Variants in SUGP2 observed in about 807,000 individuals in gnomAD.
SUGP2 encodes the protein SURP and G-patch domain-containing protein 2.
Under a neutral mutation model 90.5 loss-of-function variants are expected in SUGP2, and 24 were observed. The ratio of observed to expected loss-of-function variants is 0.27; its 90% CI spans 0.19 to 0.37. The LOEUF (loss-of-function observed/expected upper bound fraction) is 0.37. Among genes scored for constraint, SUGP2 ranks in the 10% least tolerant of loss-of-function variants. The pLI is 1.00. For missense variants in SUGP2, 1,233 were observed against 1,363.3 expected (o/e 0.90, Z 1.51); for synonymous variants, 473 against 513.4 (o/e 0.92, Z 1.06).
intron 8 of SUGP2, among the ~76,000 whole-genome samples, chr19:18,995,966 TGGA>T (rs1020968925): frequency 5.3e-5 from 8 of 151,796 alleles, no homozygotes; most frequent in Non-Finnish European, 8.8e-5. Context: ...CTGGGGCCTC[TGGA>T]GGAGGAGCCT....
In SUGP2 at chr19:18,995,168, T is replaced by C. The variant is rs888209187; in HGVS notation, c.3104A>G (p.Lys1035Arg). ...KEGHGLGSLG[K>R]GIREPVSVGT... is the part of the protein sequence containing the mutation. ...CACGCTGACCGGCTCCCTGATGCCC[T>C]TTCCGAGGGAGCCCAGGCCATGGCC... Residue 1035 changes from lysine to arginine, a missense_variant, in exon 9 of 11, where the codon AAG becomes AGG. Physicochemically the swap from Lys to Arg is conservative, Grantham distance 26 (BLOSUM62 2). Around this residue, in one of 8 missense-constraint regions of SUGP2, gnomAD observed 105 missense variants for 155.2 expected, o/e 0.68. Transcript: ENST00000452918. The C allele has an allele frequency of 6.9e-7, 1 of 1,459,788 alleles. No homozygotes were observed. The highest frequency in any genetic ancestry group is 1.4e-5 in the African/African-American group (1 of 69,734). The allele number at this position is 1,459,788 out of a possible 1,614,324, so 90.4% of individuals were successfully genotyped here. A position where few individuals can be genotyped will look rare whatever the true frequency, so the allele number is the denominator to read the frequency against.
chr19:19,004,617 A>C lies in SUGP2; in HGVS notation c.2480T>G (p.Phe827Cys). 6.2e-7 allele frequency: 1 copy of C among 1,611,896 alleles called. No individual in the cohort carries two copies. The highest frequency in any genetic ancestry group is 8.5e-7 in the Non-Finnish European group (1 of 1,178,588). Residue 827 changes from phenylalanine (F) to cysteine (C), a missense_variant, in exon 7 of 11, where the codon TTC becomes TGC. Phe to Cys is a radical substitution (Grantham distance 205). This residue lies in a region of SUGP2 where 540 missense variants were observed against 542.6 expected (regional missense o/e 1.00). Coordinates refer to ENST00000452918, the MANE Select transcript of SUGP2 (RefSeq NM_001017392.5). ...WFLHDQNSSA[F>C]KFYRKKVFEL... Reference sequence around the variant, plus strand: ...AAACACTTTCTTTCGATAGAATTTGAAAGCAGAACTATTTTGGTCATGTAG... The same window carrying C: ...AAACACTTTCTTTCGATAGAATTTGCAAGCAGAACTATTTTGGTCATGTAG...
Position 18,993,316 on chromosome 19 carries a change from G to A in SUGP2, c.*425C>T, listed in dbSNP as rs990088425. 2.6e-5 allele frequency: 4 copies of A among 152,140 alleles called. No individual in the cohort carries two copies. Among genetic ancestry groups the A allele is most frequent in the African/African-American group, 4.8e-5 (2 of 41,442 alleles). 9.4% of individuals were successfully genotyped at this position (152,140 alleles called of 1,614,324 possible). ...CCCCGTATAAATTCTGGCGAACAAC[G>A]AGAAAACACCATCTGTGATCGTTTC... is the stretch of plus-strand genomic sequence containing the variant. On this transcript the variant is annotated 3_prime_UTR_variant, in exon 11 of 11. Coordinates refer to ENST00000452918, the MANE Select transcript of SUGP2 (RefSeq NM_001017392.5).
chr19:18,995,115 ACT>A, intron 9 of SUGP2, 27 bp downstream of exon 9: 4 of 1,051,048 alleles, frequency 3.8e-6, no homozygotes, highest in Non-Finnish European at 5.6e-6. Context: ...GGCCCCACCC[ACT>A]CCCACCCCAG....
rs201874466 is a variant in SUGP2 at position 19,025,289 on chromosome 19, A to G, written c.1059T>C (p.Thr353=). The change falls in exon 3 of 11, where the codon ACT becomes ACC. Residue 353 remains threonine, a synonymous_variant. Coordinates refer to ENST00000452918, the MANE Select transcript of SUGP2 (RefSeq NM_001017392.5). ...DDIKFSQLFQ[T]LFELETETCA... is the part of the protein sequence containing the mutation. ...AGGTTTCTGTTTCAAGTTCAAAGAG[A>G]GTCTGGAAAAGTTGGGAAAATTTAA... is the stretch of plus-strand genomic sequence containing the variant. 2.1e-4 allele frequency: 340 copies of G among 1,613,186 alleles called. 5 individuals are homozygous for G. In the East Asian group the frequency reaches 3.8e-3, roughly 18 times the overall value.
At chr19:19,028,637 A>C (rs1306535969) in intron 2 of SUGP2, among the ~76,000 whole-genome samples, 1 of 152,182 alleles carries the variant, frequency 6.6e-6, no homozygotes, top group Admixed American at 6.5e-5. Flanking sequence ...GCAACACAGA[A>C]ATGTTCCAGA....
In SUGP2 at chr19:19,031,059, G is replaced by C. The variant is rs771629490; in HGVS notation, c.13C>G (p.Arg5Gly). The stretch of plus-strand genomic sequence containing the variant: ...GCATCAAAAGTCTCCTGTGTAATTC[G>C]TCTGGCTGCCATGTTATTTTGCCCT... MAARRITQETFDAVL... is the reference protein window; with the variant it reads MAARGITQETFDAVL... The change falls in exon 2 of 11, where the codon CGA (arginine) becomes GGA (glycine). Residue 5 changes from arginine (R) to glycine (G), a missense_variant. Physicochemically the swap from Arg to Gly is moderately radical, Grantham distance 125. Around this residue, in one of 8 missense-constraint regions of SUGP2, gnomAD observed 418 missense variants for 399.9 expected, o/e 1.05. Transcript: ENST00000452918. 4 of 1,611,990 alleles carry C rather than the reference G, an allele frequency of 2.5e-6. No homozygotes were observed. Among genetic ancestry groups the C allele is most frequent in the African/African-American group, 1.3e-5 (1 of 74,782 alleles).
At chr19:19,007,755 CT>C (rs34670209) in intron 6 of SUGP2, among the ~76,000 whole-genome samples, 6,958 of 113,364 alleles carry the variant, frequency 0.061, 592 homozygotes, top group African/African-American at 0.072. Context: ...TGCACCTAGC[CT>C]TTTTTTTTTT....
At chr19:19,021,171 A>AAAG (rs1257665775) in intron 3 of SUGP2, among the ~76,000 whole-genome samples, 1 of 151,434 alleles carries the variant, frequency 6.6e-6, no homozygotes, top group East Asian at 1.9e-4. Context: ...AAAAAAAAAA[A>AAAG]AAAAAAAAAG....
intron 8 of SUGP2, among the ~76,000 whole-genome samples, chr19:18,999,652 T>C (rs532508342): frequency 6.6e-6 from 1 of 152,310 alleles, no homozygotes; most frequent in East Asian, 1.9e-4. Flanking sequence ...GGGGTCAGAC[T>C]GACCTAGGTC....
chr19:19,032,161 T>TC (rs1385233772), intron 1 of SUGP2, among the ~76,000 whole-genome samples: 1 of 150,806 alleles, frequency 6.6e-6, no homozygotes, highest in Non-Finnish European at 1.5e-5. Flanking sequence ...TCAATCTTTT[T>TC]TTTTTTTTTC....
chr19:18,994,450 G>C lies in SUGP2; in HGVS notation c.3165C>G (p.Asp1055Glu). 1.9e-6 allele frequency: 3 copies of C among 1,614,080 alleles called. No homozygotes were observed. Among genetic ancestry groups the C allele is most frequent in the Non-Finnish European group, 1.7e-6 (2 of 1,179,972 alleles). Residue 1055 changes from aspartate (D) to glutamate (E), a missense_variant, in exon 10 of 11, where the codon GAC becomes GAG. Physicochemically the swap from Asp to Glu is conservative, Grantham distance 45. This residue lies in a region of SUGP2 where 53 missense variants were observed against 55.3 expected (regional missense o/e 0.96). Transcript: ENST00000452918. ...ATGTGTCTTCTTTGTGCTCCTGCCC[G>C]TCAGCACCCAACCCTTCCCCTTCCG... is the stretch of plus-strand genomic sequence containing the variant. ...TPSEGEGLGADGQEHKEDTFD... is the reference protein window; with the variant it reads ...TPSEGEGLGAEGQEHKEDTFD...
intron 3 of SUGP2, 44 bp downstream of exon 3, chr19:19,024,575 A>C (rs770795635): frequency 6.4e-7 from 1 of 1,553,180 alleles, no homozygotes; most frequent in African/African-American, 1.4e-5. Flanking sequence ...ATTACCAAAG[A>C]AACACGAAAA....
At chr19:19,032,228 G>A (rs1403068038) in intron 1 of SUGP2, among the ~76,000 whole-genome samples, 4 of 150,100 alleles carry the variant, frequency 2.7e-5, no homozygotes, top group African/African-American at 4.9e-5. Context: ...GCATGATCTC[G>A]GCTAACTGCA....
chr19:19,000,211 G>A (rs542522073), intron 8 of SUGP2, among the ~76,000 whole-genome samples: 1 of 152,100 alleles, frequency 6.6e-6, no homozygotes, highest in African/African-American at 2.4e-5. Context: ...CCTCTCTACC[G>A]AGGCTGTGCC....
At chr19:18,994,253 G>A in intron 10 of SUGP2, 113 bp downstream of exon 10, 1 of 1,388,876 alleles carries the variant, frequency 7.2e-7, no homozygotes, top group Non-Finnish European at 9.9e-7. Context: ...GATTTTTTTT[G>A]TGTGTGGCAT....
At chr19:19,018,458 C>A (rs891688008) in intron 4 of SUGP2, among the ~76,000 whole-genome samples, 36 of 152,116 alleles carry the variant, frequency 2.4e-4, no homozygotes, top group Non-Finnish European at 4.4e-4. Context: ...GAGGCTGAGG[C>A]AGGTGGATCA....
chr19:19,019,184 T>C lies in SUGP2; in HGVS notation c.1775A>G (p.Gln592Arg), dbSNP rs1387453173. Residue 592 changes from glutamine to arginine, a missense_variant, in exon 4 of 11, where the codon CAG becomes CGG. Gln to Arg is a conservative substitution (Grantham distance 43, BLOSUM62 1). Around this residue, in one of 8 missense-constraint regions of SUGP2, gnomAD observed 540 missense variants for 542.6 expected, o/e 1.00. Transcript: ENST00000452918. Reference protein sequence around the residue: ...ADHRVVGTIDQLVKRVIEGSL... With the variant: ...ADHRVVGTIDRLVKRVIEGSL... ...GCCTTCGATGACACGTTTCACAAGC[T>C]GGTCGATGGTGCCCACTACCCTGTG... 1 of 1,614,198 alleles carries C rather than the reference T, an allele frequency of 6.2e-7. No individual in the cohort carries two copies.
chr19:18,994,300 A>C, intron 10 of SUGP2, 66 bp downstream of exon 10: 2 of 1,558,616 alleles, frequency 1.3e-6, no homozygotes, highest in Non-Finnish European at 1.7e-6. Context: ...TTGTTGGGGG[A>C]AATTTCTCTG....
Sources: gnomAD v4.1 joint callset for allele counts (sites outside exome capture counted in the v4.1 genomes callset) on GRCh38, gnomAD v4.1.1 for gene constraint, gnomAD v4.1.1 regional missense constraint, MANE v1.5 for transcripts, NCBI Gene and HGNC (gene_info 2026-07-23, HGNC 2026-07-21) for gene names.